The following ZNF69 variants were observed in gnomAD, a reference collection of about 807,000 sequenced individuals.
The protein encoded by ZNF69 is ZNF3.
ZNF69 carries 47 observed loss-of-function variants against 50.9 expected under a neutral mutation model. That is an observed-to-expected ratio of 0.92 (90% CI 0.73 to 1.18). The LOEUF (loss-of-function observed/expected upper bound fraction) is 1.18, where lower values mean the gene tolerates loss of function less well. Among genes scored for constraint, ZNF69 ranks in the 50% most tolerant of loss-of-function variants. ZNF69 has a pLI of 0.00. For missense variants in ZNF69, 717 were observed against 675.1 expected (o/e 1.06, Z -0.69); for synonymous variants, 216 against 223.1 (o/e 0.97, Z 0.29).
chr19:11,976,069 G>A, the ZNF69 span, among the ~76,000 whole-genome samples: 6 of 145,288 alleles, frequency 4.1e-5, no homozygotes, highest in Non-Finnish European at 7.5e-5. Context: ...CTAGCATGCC[G>A]GATTTGGGTG....
the ZNF69 span, chr19:11,947,514 GA>G: frequency 1.2e-6 from 2 of 1,610,204 alleles, no homozygotes; most frequent in African/African-American, 1.3e-5. Flanking sequence ...TGTATTTTAG[GA>G]AAAAAATGGA....
chr19:11,955,714 TAGTAG>T, the ZNF69 span, among the ~76,000 whole-genome samples: 1 of 152,204 alleles, frequency 6.6e-6, no homozygotes, highest in African/African-American at 2.4e-5. Flanking sequence ...CAACAAAGTA[TAGTAG>T]ATAATCAGTG....
the ZNF69 span, among the ~76,000 whole-genome samples, chr19:11,925,837 AAC>A: frequency 2.6e-5 from 4 of 152,362 alleles, no homozygotes; most frequent in South Asian, 2.1e-4. Context: ...GGCCGAGGGA[AAC>A]ACAACCCCAA....
downstream of ZNF69, among the ~76,000 whole-genome samples, chr19:11,907,693 A>T (rs952388640): frequency 1.3e-5 from 2 of 152,238 alleles, no homozygotes; most frequent in African/African-American, 4.8e-5. Context: ...GGAAAGGAAC[A>T]ACCGGTACCA....
At chr19:11,916,747 G>A (rs1341012157), downstream of ZNF69, among the ~76,000 whole-genome samples, 1 of 152,102 alleles carries the variant, frequency 6.6e-6, no homozygotes, top group East Asian at 1.9e-4. Flanking sequence ...GTAAATACTG[G>A]AATATCTAGT....
the ZNF69 span, among the ~76,000 whole-genome samples, chr19:11,936,948 G>A: frequency 2.0e-5 from 3 of 152,062 alleles, no homozygotes; most frequent in East Asian, 1.9e-4. Context: ...ATAGGGAATC[G>A]TTTCCCCATT....
the ZNF69 span, chr19:11,977,506 A>G: frequency 4.2e-5 from 64 of 1,527,416 alleles, no homozygotes; most frequent in Non-Finnish European, 5.6e-5. Flanking sequence ...GAGAAGTAAA[A>G]CAAAGAACTA....
the ZNF69 span, among the ~76,000 whole-genome samples, chr19:11,926,325 C>A: frequency 6.6e-6 from 1 of 152,160 alleles, no homozygotes; most frequent in African/African-American, 2.4e-5. Flanking sequence ...CATACAGAGG[C>A]ACTCAATTTT....
chr19:11,912,706 C>T (rs1454967716), intron 4 of ZNF69, among the ~76,000 whole-genome samples: 1 of 152,058 alleles, frequency 6.6e-6, no homozygotes, highest in Non-Finnish European at 1.5e-5. Flanking sequence ...TGAATGTAAG[C>T]AATGCAGGAA....
At chr19:11,979,016 G>A in the ZNF69 span, 491 of 1,614,014 alleles carry the variant, frequency 3.0e-4, 1 homozygote, top group Non-Finnish European at 3.8e-4. Context: ...CCCACTCTGC[G>A]AAAAAACCTT....
rs1319207508 is a variant in ZNF69 at position 11,905,710 on chromosome 19, A to C, written c.1313A>C (p.His438Pro). Residue 438 changes from histidine (H) to proline (P), a missense_variant, in exon 4 of 4, where the codon CAC becomes CCC. Physicochemically the swap from His to Pro is moderately conservative, Grantham distance 77 (BLOSUM62 -2). Coordinates refer to ENST00000429654, the MANE Select transcript of ZNF69 (RefSeq NM_001364730.1). ...CACCTTCAATTGCATGGTAGGACTC[A>C]CACTGGAGAGAAGCCCTATGAATGT... Reference protein sequence around the residue: ...SSHLQLHGRTHTGEKPYECQE... With the variant: ...SSHLQLHGRTPTGEKPYECQE... The C allele has an allele frequency of 6.2e-7, 1 of 1,614,040 alleles. No homozygotes were observed. Among genetic ancestry groups the C allele is most frequent in the Non-Finnish European group, 8.5e-7 (1 of 1,180,016 alleles).
intron 1 of ZNF69, among the ~76,000 whole-genome samples, chr19:11,896,972 T>C (rs553845377): frequency 6.6e-6 from 1 of 152,334 alleles, no homozygotes; most frequent in East Asian, 1.9e-4. Context: ...TTTATATTGA[T>C]GTTTTTCAGT....
chr19:11,912,593 C>G (rs1972473165), intron 4 of ZNF69, among the ~76,000 whole-genome samples: 2 of 152,106 alleles, frequency 1.3e-5, no homozygotes. Context: ...TGAAAGGACT[C>G]ACATGGGAGA....
At chr19:11,930,229 G>A in the ZNF69 span, among the ~76,000 whole-genome samples, 1 of 148,506 alleles carries the variant, frequency 6.7e-6, no homozygotes, top group Non-Finnish European at 1.5e-5. Context: ...TCAGCTAATT[G>A]GATGTTGCTA....
chr19:11,965,172 C>T, the ZNF69 span: 37 of 1,613,766 alleles, frequency 2.3e-5, no homozygotes, highest in Non-Finnish European at 2.8e-5. Flanking sequence ...GTCACAGGAG[C>T]TGTAGAGAGG....
intron 1 of ZNF69, among the ~76,000 whole-genome samples, chr19:11,903,087 C>T (rs560221860): frequency 1.3e-5 from 2 of 152,014 alleles, no homozygotes; most frequent in Admixed American, 1.3e-4. Flanking sequence ...TAGTGAGCCA[C>T]GATGGTGCCA....
Position 11,905,464 on chromosome 19 carries a change from G to C in ZNF69, c.1067G>C (p.Gly356Ala). 4 of 1,614,176 alleles carry C rather than the reference G, an allele frequency of 2.5e-6. No homozygotes were observed. The South Asian group carries it at 3.3e-5, about 13-fold the overall frequency. Residue 356 changes from glycine (G) to alanine (A), a missense_variant, in exon 4 of 4, where the codon GGA becomes GCA. Transcript: ENST00000429654. ...CAAACACACATAAGAATGCACTCTG[G>C]AGAAAGACCTTATGAATGTAAGATA... ...SFQTHIRMHSGERPYECKICG... is the reference protein window; with the variant it reads ...SFQTHIRMHSAERPYECKICG...
chr19:11,935,886 T>A, the ZNF69 span, among the ~76,000 whole-genome samples: 3 of 152,156 alleles, frequency 2.0e-5, no homozygotes, highest in South Asian at 6.2e-4. Flanking sequence ...GGCCCCGGTG[T>A]GTGATGTTCC....
the ZNF69 span, among the ~76,000 whole-genome samples, chr19:11,921,892 C>T: frequency 6.6e-6 from 1 of 152,078 alleles, no homozygotes; most frequent in Non-Finnish European, 1.5e-5. Context: ...TAGGGTCCAT[C>T]GTGAGGCAGA....
Sources: allele counts gnomAD v4.1 joint callset (sites outside exome capture counted in the v4.1 genomes callset), GRCh38; gene constraint gnomAD v4.1.1; transcripts MANE v1.5; gene names NCBI Gene and HGNC (gene_info 2026-07-23, HGNC 2026-07-21).